GSTP1: variants seen among roughly 807,000 people sequenced by gnomAD.
GSTP1 encodes glutathione S-transferase P.
GSTP1 carries 28 observed loss-of-function variants against 29.4 expected under a neutral mutation model. The ratio of observed to expected loss-of-function variants is 0.95; its 90% confidence interval spans 0.71 to 1.30. The LOEUF is 1.30. Ranked by LOEUF, GSTP1 falls within the 50% of genes most tolerant of loss-of-function variation. The probability of loss-of-function intolerance (pLI) is 0.00; values close to 1 mark genes in which losing one functional copy is unlikely to be tolerated. For synonymous variants in GSTP1, 122 were observed against 117.0 expected (o/e 1.04, Z -0.28); for missense variants, 267 against 266.1 (o/e 1.00, Z -0.02).
At chr11:67,586,066 G>A in intron 5 of GSTP1, 38 bp from the exon 6 acceptor site, 1 of 1,484,858 alleles carries the variant, frequency 6.7e-7, no homozygotes, top group Non-Finnish European at 9.4e-7. Flanking sequence ...GGGGCTGGGA[G>A]GGATGAGAGT....
intron 1 of GSTP1, 58 bp from the exon 2 acceptor site, chr11:67,584,076 T>C: frequency 6.9e-7 from 1 of 1,449,278 alleles, no homozygotes; most frequent in Non-Finnish European, 9.6e-7. Context: ...CAGACTGCGC[T>C]CACCGCGCCT....
rs8191440 is a variant in GSTP1, at chr11:67,583,871, G to T, written c.1+27G>T. On this transcript the variant is annotated intron_variant, in intron 1 of 6. Transcript: ENST00000398606. Reference sequence around the variant, plus strand: ...TGAGTACGCGCGGCCCGCGTCCCCGGGGATGGGGCTCAGAGCTCCCAGCAT... The same window carrying T: ...TGAGTACGCGCGGCCCGCGTCCCCGTGGATGGGGCTCAGAGCTCCCAGCAT... 2.9e-4 allele frequency: 217 copies of T among 740,024 alleles called. 2 individuals carry two copies. The East Asian group carries it at 3.0e-3, about 10-fold the overall frequency. The allele number at this position is 740,024 out of a possible 1,614,324, so 45.8% of individuals were successfully genotyped here.
At chr11:67,586,048 G>A in intron 5 of GSTP1, 56 bp from the exon 6 acceptor site, 1 of 1,307,924 alleles carries the variant, frequency 7.6e-7, no homozygotes, top group South Asian at 1.2e-5. Flanking sequence ...GCAGACGGGG[G>A]TGTCTCAGGG....
At chr11:67,583,976 G>A (rs1218695906) in intron 1 of GSTP1, 132 bp downstream of exon 1, 1 of 679,554 alleles carries the variant, frequency 1.5e-6, no homozygotes, top group Non-Finnish European at 2.7e-6. Flanking sequence ...GGGCCTAGGG[G>A]ACCCAGGACG....
At position 67,585,232 on chromosome 11, in the gene GSTP1, C is replaced by T. The variant is rs371538476; in HGVS notation, c.327C>T (p.Tyr109=). Residue 109 remains tyrosine, a synonymous_variant, in exon 5 of 7, where the codon TAC becomes TAT. Transcript: ENST00000398606. ...GCTGCAAATACATCTCCCTCATCTA[C>T]ACCAACTATGTGAGCATCTGCACCA... is the stretch of plus-strand genomic sequence containing the variant. ...DLRCKYISLI[Y]TNYEAGKDDY... 1.9e-5 allele frequency: 30 copies of T among 1,600,784 alleles called. 1 individual carries two copies. The Admixed American group carries it at 4.0e-4, about 21-fold the overall frequency.
Position 67,583,864 on chromosome 11 carries a change from G to C in GSTP1, c.1+20G>C. The C allele has an allele frequency of 1.3e-6, 1 of 743,072 alleles. No individual in the cohort carries two copies. 46.0% of individuals were successfully genotyped at this position (743,072 alleles called of 1,614,324 possible). On this transcript the variant is annotated intron_variant, in intron 1 of 6. Coordinates refer to ENST00000398606, the MANE Select transcript of GSTP1 (RefSeq NM_000852.4). ...CCACCAGTGAGTACGCGCGGCCCGC[G>C]TCCCCGGGGATGGGGCTCAGAGCTC...
chr11:67,584,402 C>G, intron 2 of GSTP1, 62 bp from the exon 3 acceptor site: 2 of 925,930 alleles, frequency 2.2e-6, no homozygotes, highest in Non-Finnish European at 3.3e-6. Context: ...TGACCCCTCC[C>G]CGGGTTGCTG....
At chr11:67,584,839 T>A in intron 4 of GSTP1, 67 bp downstream of exon 4, 1 of 1,173,562 alleles carries the variant, frequency 8.5e-7, no homozygotes, top group Non-Finnish European at 1.3e-6. Context: ...CCCTTTTGTT[T>A]AAATCAGCTG....
At chr11:67,584,929 C>T (rs1867441008) in intron 4 of GSTP1, 157 bp downstream of exon 4, 2 of 673,194 alleles carry the variant, frequency 3.0e-6, no homozygotes, top group Non-Finnish European at 2.6e-6. Context: ...TGGGTGCCTG[C>T]AATCCTTGCC....
intron 6 of GSTP1, 55 bp downstream of exon 6, chr11:67,586,266 A>G (rs1867465652): frequency 1.3e-6 from 2 of 1,531,444 alleles, no homozygotes; most frequent in Non-Finnish European, 1.8e-6. Flanking sequence ...TTCCAGATGG[A>G]CACAGGTGTG....
At chr11:67,585,764 G>A (rs1008046673) in intron 5 of GSTP1, among the ~76,000 whole-genome samples, 3 of 152,042 alleles carry the variant, frequency 2.0e-5, no homozygotes, top group African/African-American at 7.3e-5. Context: ...CCCAGGTCCC[G>A]AAGGCCTTGA....
intron 5 of GSTP1, among the ~76,000 whole-genome samples, chr11:67,585,688 C>CGT (rs370404218): frequency 2.6e-5 from 4 of 151,290 alleles, no homozygotes; most frequent in African/African-American, 4.9e-5. Context: ...CATGTGTGTG[C>CGT]GTGTGTGTGT....
At position 67,586,389 on chromosome 11, in the gene GSTP1, A is replaced by G; in HGVS notation, c.445A>G (p.Ile149Val). 1.2e-6 allele frequency: 2 copies of G among 1,611,850 alleles called. No homozygotes were observed. Among genetic ancestry groups the G allele is most frequent in the Non-Finnish European group, 8.5e-7 (1 of 1,178,636 alleles). ...AGTCCCTGGCCCCCCTGCCCTGCAG[A>G]TCTCCTTCGCTGACTACAACCTGCT... The part of the protein sequence containing the change: ...GGKTFIVGDQ[I>V]SFADYNLLDL... The change falls in exon 7 of 7, where the codon ATC becomes GTC. Residue 149 changes from isoleucine (I) to valine (V), a missense_variant and splice_region_variant. Coordinates refer to ENST00000398606, the MANE Select transcript of GSTP1 (RefSeq NM_000852.4).
Position 67,584,584 on chromosome 11 carries a change from C to A in GSTP1, c.144+14C>A. On this transcript the variant is annotated intron_variant, in intron 3 of 6. Transcript: ENST00000398606. ...AAAGCCTCCTGCGTAAGTGACCATGCCCGGGCAAGGGGAGGGGGTGCTGGG... is the reference window on the plus strand; with the variant it reads ...AAAGCCTCCTGCGTAAGTGACCATGACCGGGCAAGGGGAGGGGGTGCTGGG... 1 of 1,587,042 alleles carries A rather than the reference C, an allele frequency of 6.3e-7. No individual in the cohort carries two copies. The highest frequency in any genetic ancestry group is 8.6e-7 in the Non-Finnish European group (1 of 1,157,416).
At position 67,586,422 on chromosome 11, in the gene GSTP1, C is replaced by A. The variant is rs199567349; in HGVS notation, c.478C>A (p.Leu160Met). 2.5e-6 allele frequency: 4 copies of A among 1,614,112 alleles called. No homozygotes were observed. The Admixed American group carries it at 6.7e-5, about 27-fold the overall frequency. ...CGCTGACTACAACCTGCTGGACTTG[C>A]TGCTGATCCATGAGGTCCTAGCCCC... ...SFADYNLLDL[L>M]LIHEVLAPGC... Residue 160 changes from leucine (L) to methionine (M), a missense_variant, in exon 7 of 7, where the codon CTG becomes ATG. Leu to Met is a conservative substitution (Grantham distance 15, BLOSUM62 2). Coordinates refer to ENST00000398606, the MANE Select transcript of GSTP1 (RefSeq NM_000852.4).
intron 2 of GSTP1, 30 bp from the exon 3 acceptor site, chr11:67,584,434 C>G (rs776595128): frequency 2.3e-6 from 3 of 1,289,106 alleles, no homozygotes; most frequent in South Asian, 1.4e-5. Context: ...CGGCCCGGTC[C>G]CCACATCTCG....
intron 5 of GSTP1, 138 bp downstream of exon 5, chr11:67,585,379 G>A (rs1867451166): frequency 1.6e-6 from 1 of 616,690 alleles, no homozygotes; most frequent in Non-Finnish European, 2.8e-6. Context: ...TCAGCTCTGG[G>A]CCAGGGGCCC....
chr11:67,584,919 T>C (rs1867440808), intron 4 of GSTP1, 147 bp downstream of exon 4: 1 of 696,588 alleles, frequency 1.4e-6, no homozygotes, highest in Admixed American at 2.4e-5. Flanking sequence ...AGGTCAAGCC[T>C]GGGTGCCTGC....
chr11:67,586,171 C>T lies in GSTP1; in HGVS notation c.404C>T (p.Ser135Phe), dbSNP rs1406534057. ...CTGAAGCCTTTTGAGACCCTGCTGT[C>T]CCAGAACCAGGGAGGCAAGACCTTC... The part of the protein sequence containing the change: ...GQLKPFETLL[S>F]QNQGGKTFIV... Residue 135 changes from serine to phenylalanine, a missense_variant, in exon 6 of 7, where the codon TCC becomes TTC. By Grantham distance (155) the Ser-to-Phe change is radical (BLOSUM62 -2). Coordinates refer to ENST00000398606, the MANE Select transcript of GSTP1 (RefSeq NM_000852.4). 1.2e-6 allele frequency: 2 copies of T among 1,613,816 alleles called. No homozygotes were observed. The highest frequency in any genetic ancestry group is 1.3e-5 in the African/African-American group (1 of 74,882).
Sources: allele counts gnomAD v4.1 joint callset (sites outside exome capture counted in the v4.1 genomes callset), GRCh38; gene constraint gnomAD v4.1.1; transcripts MANE v1.5; gene names NCBI Gene and HGNC (gene_info 2026-07-23, HGNC 2026-07-21).